Variants in IQGAP2 observed in about 807,000 individuals in gnomAD.
The protein encoded by IQGAP2 is IQ motif containing GTPase activating protein 2, also known as ras GTPase-activating-like protein IQGAP2.
Under a neutral mutation model 201.3 loss-of-function variants are expected in IQGAP2, and 173 were observed. The observed-to-expected ratio is 0.86, with a 90% CI of 0.76 to 0.98. The LOEUF is 0.98. Among genes scored for constraint, IQGAP2 ranks in the 50% least tolerant of loss-of-function variants. IQGAP2 has a pLI of 0.00. For missense variants in IQGAP2, 1,687 were observed against 1,864.8 expected (o/e 0.90, Z 1.76); for synonymous variants, 675 against 673.9 (o/e 1.00, Z -0.03).
chr5:76,694,232 A>G (rs2150540492), intron 31 of IQGAP2, among the ~76,000 whole-genome samples: 1 of 137,236 alleles, frequency 7.3e-6, no homozygotes, highest in South Asian at 2.3e-4. Flanking sequence ...CAGGAGTTCA[A>G]CACCAGCCTG....
At chr5:76,685,492 A>G (rs932745549) in intron 30 of IQGAP2, among the ~76,000 whole-genome samples, 2 of 152,236 alleles carry the variant, frequency 1.3e-5, no homozygotes, top group Non-Finnish European at 2.9e-5. Flanking sequence ...AAAGTATCAG[A>G]TAATCTGAAT....
At chr5:76,578,213 T>C (rs192879329) in intron 5 of IQGAP2, among the ~76,000 whole-genome samples, 28 of 152,290 alleles carry the variant, frequency 1.8e-4, no homozygotes, top group Middle Eastern at 3.4e-3. Flanking sequence ...TCAGTTTAGC[T>C]TGGTGTTCTC....
chr5:76,631,957 A>G lies in IQGAP2; in HGVS notation c.1711A>G (p.Ile571Val), dbSNP rs1010573702. Residue 571 changes from isoleucine (I) to valine (V), a missense_variant, in exon 15 of 36, where the codon ATA (isoleucine) becomes GTA (valine). Transcript: ENST00000274364. ...GTCTTCCACTTCTAATGCAAATGAC[A>G]TAATCCCGGAGTGTGCTGACAAATA... is the stretch of plus-strand genomic sequence containing the variant. ...LKSSTSNANDIIPECADKYYD... is the reference protein window; with the variant it reads ...LKSSTSNANDVIPECADKYYD... 6.2e-7 allele frequency: 1 copy of G among 1,612,962 alleles called. No individual in the cohort carries two copies. Among genetic ancestry groups the G allele is most frequent in the South Asian group, 1.1e-5 (1 of 90,954 alleles).
intron 30 of IQGAP2, 151 bp downstream of exon 30, chr5:76,684,068 A>G (rs1041732276): frequency 2.2e-5 from 13 of 596,956 alleles, no homozygotes; most frequent in African/African-American, 1.3e-4. Flanking sequence ...CCAAAGGATA[A>G]TAGACTCTTT....
chr5:76,449,773 A>C (rs917679566), intron 1 of IQGAP2, among the ~76,000 whole-genome samples: 2 of 152,202 alleles, frequency 1.3e-5, no homozygotes, highest in African/African-American at 4.8e-5. Flanking sequence ...TGGCTAATAC[A>C]CAGAGAAGAT....
At position 76,590,538 on chromosome 5, in the gene IQGAP2, A is replaced by G. The variant is rs1166746698; in HGVS notation, c.771A>G (p.Lys257=). 1.2e-6 allele frequency: 2 copies of G among 1,612,924 alleles called. No individual in the cohort carries two copies. The highest frequency in any genetic ancestry group is 2.2e-5 in the East Asian group (1 of 44,874). Residue 257 remains lysine, a synonymous_variant, in exon 8 of 36, where the codon AAA becomes AAG. Transcript: ENST00000274364. The part of the protein sequence containing the change: ...VDDNLAPEYQ[K]ELWDAKKKKE... ...ACAACCTTGCACCAGAATATCAGAA[A>G]GAACTCTGGGATGCCAAAAAGAAAA... is the stretch of plus-strand genomic sequence containing the variant.
intron 2 of IQGAP2, among the ~76,000 whole-genome samples, chr5:76,481,150 T>C (rs1361502554): frequency 1.3e-5 from 2 of 152,132 alleles, no homozygotes; most frequent in African/African-American, 4.8e-5. Context: ...TTTCAACATA[T>C]GAATTTGGGG....
chr5:76,696,657 A>C (rs1746778248), intron 32 of IQGAP2, among the ~76,000 whole-genome samples: 1 of 152,128 alleles, frequency 6.6e-6, no homozygotes, highest in African/African-American at 2.4e-5. Flanking sequence ...ATTATGTTCA[A>C]TTCTGGCAGT....
chr5:76,705,512 T>G (rs1470593911), intron 35 of IQGAP2, among the ~76,000 whole-genome samples: 2 of 152,226 alleles, frequency 1.3e-5, no homozygotes, highest in African/African-American at 4.8e-5. Context: ...ACATATGCCA[T>G]TCCTTTTCAA....
intron 2 of IQGAP2, among the ~76,000 whole-genome samples, chr5:76,555,315 T>A (rs1376473062): frequency 6.6e-6 from 1 of 152,230 alleles, no homozygotes. Context: ...TCAATAAAGA[T>A]GTTAAACCAC....
chr5:76,624,108 A>T (rs1387712517), intron 13 of IQGAP2, among the ~76,000 whole-genome samples: 1 of 152,144 alleles, frequency 6.6e-6, no homozygotes, highest in Admixed American at 6.5e-5. Context: ...ATAAGTCTAC[A>T]ATAAGATATT....
At chr5:76,679,030 G>T (rs563709431) in intron 28 of IQGAP2, among the ~76,000 whole-genome samples, 1 of 152,260 alleles carries the variant, frequency 6.6e-6, no homozygotes, top group African/African-American at 2.4e-5. Flanking sequence ...ATCTAGCAAT[G>T]CATTACTTAC....
intron 35 of IQGAP2, among the ~76,000 whole-genome samples, chr5:76,704,728 C>T (rs559851516): frequency 1.4e-4 from 22 of 152,300 alleles, no homozygotes; most frequent in Non-Finnish European, 2.6e-4. Context: ...TGCATACCCA[C>T]GGAGCCAGCC....
At chr5:76,617,636 A>G in intron 13 of IQGAP2, 1 of 1,613,716 alleles carries the variant, frequency 6.2e-7, no homozygotes, top group Non-Finnish European at 8.5e-7. Flanking sequence ...TGAGAAAATA[A>G]AGGAATGGAT....
In IQGAP2 at chr5:76,636,971, A is replaced by G. The variant is rs1325559313; in HGVS notation, c.1781-63A>G. 1.3e-5 allele frequency: 17 copies of G among 1,298,700 alleles called. No homozygotes were observed. In the Admixed American group the frequency reaches 4.0e-4, roughly 31 times the overall value. 80.4% of individuals were successfully genotyped at this position (1,298,700 alleles called of 1,614,324 possible). On this transcript the variant is annotated intron_variant, in intron 15 of 35. Transcript: ENST00000274364. ...ATTCAATTATTTTACATATTAAAGAAACTACACTAATGTTTAAGGGTTCAC... is the reference window on the plus strand; with the variant it reads ...ATTCAATTATTTTACATATTAAAGAGACTACACTAATGTTTAAGGGTTCAC...
intron 1 of IQGAP2, among the ~76,000 whole-genome samples, chr5:76,415,977 A>G (rs74994918): frequency 0.016 from 2,376 of 151,448 alleles, 68 homozygotes; most frequent in African/African-American, 0.052. Flanking sequence ...GAAAGTGTGT[A>G]GGAAGCAGAT....
chr5:76,671,702 A>T, intron 23 of IQGAP2, 57 bp from the exon 24 acceptor site: 2 of 1,311,610 alleles, frequency 1.5e-6, no homozygotes, highest in East Asian at 2.3e-5. Context: ...AAAAAAAAAA[A>T]AAAAAAATCT....
chr5:76,486,600 T>C (rs1036215556), intron 2 of IQGAP2, among the ~76,000 whole-genome samples: 3 of 152,002 alleles, frequency 2.0e-5, no homozygotes, highest in African/African-American at 4.8e-5. Flanking sequence ...GGGGAAGTTT[T>C]TCCTAAACAA....
chr5:76,631,312 T>C (rs561827689), intron 14 of IQGAP2, among the ~76,000 whole-genome samples: 8 of 152,306 alleles, frequency 5.3e-5, no homozygotes, highest in African/African-American at 1.9e-4. Flanking sequence ...TTGTTAGGTC[T>C]AAAATGGTTC....
Sources: allele counts gnomAD v4.1 joint callset (sites outside exome capture counted in the v4.1 genomes callset), GRCh38; gene constraint gnomAD v4.1.1; transcripts MANE v1.5; gene names NCBI Gene and HGNC (gene_info 2026-07-23, HGNC 2026-07-21).